The following DLG4 variants were observed in gnomAD, a reference collection of about 807,000 sequenced individuals.
DLG4 encodes the protein disks large homolog 4.
A neutral mutation model predicts 93.8 loss-of-function variants in DLG4; 7 were observed. The ratio of observed to expected loss-of-function variants is 0.07; its 90% CI spans 0.04 to 0.14. DLG4 has a LOEUF of 0.14. DLG4 is among the 10% of genes least tolerant of loss of function. The pLI, the probability that DLG4 is intolerant of heterozygous loss-of-function variation, is 1.00. For missense variants in DLG4, 545 were observed against 992.9 expected (o/e 0.55, Z 6.06); for synonymous variants, 341 against 387.6 (o/e 0.88, Z 1.41).
Position 7,191,209 on chromosome 17 carries a change from CT to C in DLG4, c.2068+57del. The C allele has an allele frequency of 6.4e-7, 1 of 1,564,232 alleles. No homozygotes were observed. Among genetic ancestry groups the C allele is most frequent in the East Asian group, 2.2e-5 (1 of 44,586 alleles). ...ATCCACTGGGGGTGGCGGGGGAGCT[CT>C]TTCTAATCCGAGCAAGGGCACCCTA... On this transcript the variant is annotated intron_variant, in intron 19 of 19. Coordinates refer to ENST00000399506, the MANE Select transcript of DLG4 (RefSeq NM_001321075.3). The surrounding 1 kb of genome is among the most constrained non-coding windows in gnomAD (Gnocchi z 6.6).
At chr17:7,207,428 A>T (rs1199512303) in intron 2 of DLG4, among the ~76,000 whole-genome samples, 1 of 151,924 alleles carries the variant, frequency 6.6e-6, no homozygotes, top group Non-Finnish European at 1.5e-5. Context: ...AAGCTGGGGC[A>T]GGGGACGAGG....
At position 7,191,948 on chromosome 17, in the gene DLG4, C is replaced by T; in HGVS notation, c.1921G>A (p.Ala641Thr). 1 of 1,486,676 alleles carries T rather than the reference C, an allele frequency of 6.7e-7. No homozygotes were observed. Among genetic ancestry groups the T allele is most frequent in the South Asian group, 1.4e-5 (1 of 71,940 alleles). The allele number at this position is 1,486,676 out of a possible 1,614,324, so 92.1% of individuals were successfully genotyped here. The stretch of plus-strand genomic sequence containing the variant: ...AAGATGGCGATGGGGTGCAGGTGGG[C>T]CGCCTGCAGCCGCCGCACGGCATTG... The part of the protein sequence containing the change: ...SANAVRRLQA[A>T]HLHPIAIFIR... The change falls in exon 18 of 20, where the codon GCC (alanine) becomes ACC (threonine). Residue 641 changes from alanine (A) to threonine (T), a missense_variant. Coordinates refer to ENST00000399506, the MANE Select transcript of DLG4 (RefSeq NM_001321075.3). This position sits in a 1 kb window ranked among gnomAD's most constrained non-coding sequence, Gnocchi z 6.6.
At chr17:7,219,918 A>ATGTGGG (rs1567559204), upstream of DLG4, 3 of 1,567,438 alleles carry the variant, frequency 1.9e-6, no homozygotes, top group Admixed American at 1.9e-5. Flanking sequence ...GGGCGCCAGG[A>ATGTGGG]CGTGGGCGTG....
rs542553103 is a variant in DLG4 at position 7,202,905 on chromosome 17, G to T, written c.785C>A (p.Thr262Asn). The T allele has an allele frequency of 1.9e-6, 3 of 1,613,988 alleles. No individual in the cohort carries two copies. The highest frequency in any genetic ancestry group is 4.5e-5 in the East Asian group (2 of 44,876). The stretch of plus-strand genomic sequence containing the variant: ...TTTGGTGTTTGAAGGGCTCTCACAG[G>T]TTGTGATGTCTGGGGGAGCATAGCT... ...SDSYAPPDITTSYSQHLDNEI... is the reference protein window; with the variant it reads ...SDSYAPPDITNSYSQHLDNEI... Residue 262 changes from threonine (T) to asparagine (N), a missense_variant and splice_region_variant, in exon 8 of 20, where the codon ACC becomes AAC. This residue lies in a region of DLG4 where 428 missense variants were observed against 741.4 expected (regional missense o/e 0.58). Transcript: ENST00000399506.
chr17:7,214,142 T>G (rs1165554000), intron 1 of DLG4, among the ~76,000 whole-genome samples: 2 of 152,158 alleles, frequency 1.3e-5, no homozygotes, highest in Non-Finnish European at 2.9e-5. Flanking sequence ...GGAGGGGTGC[T>G]CTGATGAAAT....
intron 2 of DLG4, chr17:7,205,180 C>A (rs964969988): frequency 1.0e-6 from 1 of 985,250 alleles, no homozygotes; most frequent in Non-Finnish European, 1.2e-6. Flanking sequence ...CAAAGGACGT[C>A]AGGAACTGGG....
At chr17:7,207,732 G>GCA (rs147158727) in intron 2 of DLG4, among the ~76,000 whole-genome samples, 2 of 149,406 alleles carry the variant, frequency 1.3e-5, no homozygotes, top group Non-Finnish European at 3.0e-5. Context: ...GCGCACGCAC[G>GCA]CACACACACA....
chr17:7,211,104 G>T (rs1389919843), intron 1 of DLG4, among the ~76,000 whole-genome samples: 1 of 145,896 alleles, frequency 6.9e-6, no homozygotes, highest in Non-Finnish European at 1.5e-5. Flanking sequence ...CATGTAGGGG[G>T]GCGGGGAGAA....
intron 1 of DLG4, among the ~76,000 whole-genome samples, chr17:7,214,702 C>T (rs2070836313): frequency 6.6e-6 from 1 of 152,214 alleles, no homozygotes. Context: ...CACGCAGCTT[C>T]AGTCGTCGCC....
chr17:7,219,856 G>C, upstream of DLG4: 1 of 1,538,896 alleles, frequency 6.5e-7, no homozygotes, highest in Non-Finnish European at 8.7e-7. Flanking sequence ...CATGCCCCGG[G>C]GCCCGCAACC....
intron 1 of DLG4, among the ~76,000 whole-genome samples, chr17:7,211,483 G>C (rs549372045): frequency 6.6e-6 from 1 of 151,650 alleles, no homozygotes; most frequent in African/African-American, 2.4e-5. Flanking sequence ...ACATAGGGGT[G>C]TGAGTCAAAG....
rs79190353 is a variant in DLG4, at chr17:7,195,837, G to T, written c.1301+383C>A. Reference sequence around the variant, plus strand: ...AGACGGGGGCAGGCACCACAGAGCTGCGGCCCACGTCTCCGGGACTGCCCA... The same window carrying T: ...AGACGGGGGCAGGCACCACAGAGCTTCGGCCCACGTCTCCGGGACTGCCCA... On this transcript the variant is annotated intron_variant, in intron 11 of 19. Coordinates refer to ENST00000399506, the MANE Select transcript of DLG4 (RefSeq NM_001321075.3). This position sits in a 1 kb window ranked among gnomAD's most constrained non-coding sequence, Gnocchi z 4.3. Among the ~76,000 whole-genome samples, 2,795 of 152,294 alleles carry T rather than the reference G, an allele frequency of 0.018. 40 individuals are homozygous for T. The highest frequency in any genetic ancestry group is 0.035 in the African/African-American group (1,472 of 41,556).
chr17:7,194,350 C>G lies in DLG4; in HGVS notation c.1447G>C (p.Asp483His), dbSNP rs1450558610. The change falls in exon 12 of 20, where the codon GAC becomes CAC. Residue 483 changes from aspartate (D) to histidine (H), a missense_variant. By Grantham distance (81) the Asp-to-His change is moderately conservative. Transcript: ENST00000399506. The surrounding 1 kb of genome is among the most constrained non-coding windows in gnomAD (Gnocchi z 4.4). ...ARRVHSDSET[D>H]DIGFIPSKRR... ...TTGCTGGGGATGAACCCAATGTCGT[C>G]GGTCTCACTGTCAGAGTGGACCCGC... The G allele has an allele frequency of 1.2e-6, 2 of 1,607,604 alleles. No homozygotes were observed.
In DLG4 at chr17:7,217,305, AGAAGG is replaced by A. The variant is rs1006553926; in HGVS notation, c.-163_-159del. On this transcript the variant is annotated 5_prime_UTR_variant, in exon 1 of 20. Transcript: ENST00000399506. ...GGTGAGAGGGGAAGGAGGGGGTTGG[AGAAGG>A]GAAGGGGAGGGGAGCGTGGGAGGGA... 4 of 478,038 alleles carry A rather than the reference AGAAGG, an allele frequency of 8.4e-6. No homozygotes were observed. The highest frequency in any genetic ancestry group is 8.3e-6 in the Non-Finnish European group (3 of 360,038). The allele number at this position is 478,038 out of a possible 1,614,324, so 29.6% of individuals were successfully genotyped here. A position where few individuals can be genotyped will look rare whatever the true frequency, so the allele number is the denominator to read the frequency against.
chr17:7,205,311 C>T, intron 2 of DLG4: 4 of 465,114 alleles, frequency 8.6e-6, no homozygotes, highest in Non-Finnish European at 8.5e-6. Flanking sequence ...TCTCTAGACT[C>T]CCAGGCGGGG....
chr17:7,211,533 G>T, intron 1 of DLG4: 1 of 228,526 alleles, frequency 4.4e-6, no homozygotes. Flanking sequence ...CTGTCCACGA[G>T]AAGTTGCAAC....
In DLG4 at chr17:7,203,943, C is replaced by A; in HGVS notation, c.210+65G>T. 1 of 1,592,420 alleles carries A rather than the reference C, an allele frequency of 6.3e-7. No homozygotes were observed. On this transcript the variant is annotated intron_variant, in intron 4 of 19. Coordinates refer to ENST00000399506, the MANE Select transcript of DLG4 (RefSeq NM_001321075.3). This position sits in a 1 kb window ranked among gnomAD's most constrained non-coding sequence, Gnocchi z 7.2. ...AGGGTGAGGGGCTAGCCACCCAGAC[C>A]ACATGGCAGAAAGAAAGGTACAGAC... is the stretch of plus-strand genomic sequence containing the variant.
intron 1 of DLG4, among the ~76,000 whole-genome samples, chr17:7,214,318 G>A (rs2142927802): frequency 6.6e-6 from 1 of 152,132 alleles, no homozygotes; most frequent in East Asian, 1.9e-4. Flanking sequence ...GGTCAGCCCC[G>A]CCCTCATTTC....
intron 17 of DLG4, 186 bp from the exon 18 acceptor site, chr17:7,192,188 C>G (rs2242449): frequency 6.9e-6 from 3 of 435,914 alleles, no homozygotes; most frequent in African/African-American, 2.1e-5. Context: ...GAGTAAAAGA[C>G]AGAGGGAAAG....
Sources: gnomAD v4.1 joint callset for allele counts (sites outside exome capture counted in the v4.1 genomes callset) on GRCh38, gnomAD v4.1.1 for gene constraint, gnomAD v4.1.1 regional missense constraint, Gnocchi (gnomAD v3.1) non-coding constraint, MANE v1.5 for transcripts, NCBI Gene and HGNC (gene_info 2026-07-23, HGNC 2026-07-21) for gene names.